Variants in TBC1D12 observed in about 807,000 individuals in gnomAD.
TBC1D12 encodes TBC1 domain family member 12.
A neutral mutation model predicts 86.7 loss-of-function variants in TBC1D12; 56 were observed. That is an observed-to-expected ratio of 0.65 (90% confidence interval 0.52 to 0.81). The LOEUF is 0.81. Among genes scored for constraint, TBC1D12 ranks in the 30% least tolerant of loss-of-function variants. The pLI is 0.00. For synonymous variants in TBC1D12, 421 were observed against 411.7 expected, an observed-to-expected ratio of 1.02 and a Z score of -0.27; for missense variants, 1,023 against 1,038.8, an observed-to-expected ratio of 0.98 and a Z score of 0.21.
chr10:94,454,936 G>C (rs2055604955), intron 2 of TBC1D12, among the ~76,000 whole-genome samples: 1 of 152,124 alleles, frequency 6.6e-6, no homozygotes, highest in Admixed American at 6.5e-5. Context: ...GTGGTGAGCG[G>C]GGATATCCTC....
chr10:94,462,162 T>TTA (rs2134123615), intron 2 of TBC1D12, among the ~76,000 whole-genome samples: 1 of 152,376 alleles, frequency 6.6e-6, no homozygotes, highest in African/African-American at 2.4e-5. Flanking sequence ...CATCATTTAG[T>TTA]AAGTTGAGGA....
intron 1 of TBC1D12, among the ~76,000 whole-genome samples, chr10:94,430,649 A>G (rs1057328639): frequency 6.6e-6 from 1 of 152,336 alleles, no homozygotes; most frequent in African/African-American, 2.4e-5. Flanking sequence ...AAGCACACAG[A>G]TATGTGAAGC....
rs887693226 is a variant in TBC1D12 at position 94,516,046 on chromosome 10, C to T, written c.1761+4392C>T. ...TGACTTGTTTGTTTCTGGAACTTGC[C>T]ATTTAATATTTTCAGACCACTGTTG... On this transcript the variant is annotated intron_variant, in intron 9 of 12. Transcript: ENST00000225235. Among the ~76,000 whole-genome samples, 9 of 148,328 alleles carry T rather than the reference C, an allele frequency of 6.1e-5. No individual in the cohort carries two copies. The South Asian group carries it at 2.1e-3, about 34-fold the overall frequency.
chr10:94,504,276 T>C (rs2056434603), intron 6 of TBC1D12, among the ~76,000 whole-genome samples: 1 of 152,194 alleles, frequency 6.6e-6, no homozygotes, highest in South Asian at 2.1e-4. Context: ...TCTTGATAAC[T>C]TAGACATTAA....
At chr10:94,411,964 AAG>A (rs1017647456) in intron 1 of TBC1D12, among the ~76,000 whole-genome samples, 11 of 152,294 alleles carry the variant, frequency 7.2e-5, no homozygotes, top group African/African-American at 2.4e-4. Flanking sequence ...TCCAAAAAAA[AAG>A]AGAAAATTGC....
chr10:94,469,849 G>A (rs2055878223), intron 2 of TBC1D12, among the ~76,000 whole-genome samples: 1 of 152,120 alleles, frequency 6.6e-6, no homozygotes, highest in Admixed American at 6.5e-5. Context: ...TTCCTTTGGG[G>A]TCCCCCTTCC....
chr10:94,493,642 C>G (rs1465799675), intron 4 of TBC1D12, among the ~76,000 whole-genome samples, 195 bp downstream of exon 4: 1 of 152,146 alleles, frequency 6.6e-6, no homozygotes, highest in Non-Finnish European at 1.5e-5. Flanking sequence ...GCCTGACCTT[C>G]CAGGCTCAAG....
intron 1 of TBC1D12, among the ~76,000 whole-genome samples, chr10:94,424,884 C>T (rs12785155): frequency 0.17 from 26,203 of 152,000 alleles, 2,474 homozygotes; most frequent in Middle Eastern, 0.25. Context: ...CATGTCTGCA[C>T]AATTCACGCA....
intron 9 of TBC1D12, among the ~76,000 whole-genome samples, chr10:94,514,396 G>A (rs778800445): frequency 1.3e-5 from 2 of 152,092 alleles, no homozygotes; most frequent in Non-Finnish European, 2.9e-5. Context: ...TCTAACTGGA[G>A]CTTTTTGTAC....
In TBC1D12 at chr10:94,522,081, A is replaced by C; in HGVS notation, c.1888A>C (p.Met630Leu). 1 of 1,609,172 alleles carries C rather than the reference A, an allele frequency of 6.2e-7. No homozygotes were observed. The highest frequency in any genetic ancestry group is 1.1e-5 in the South Asian group (1 of 90,350). Reference sequence around the variant, plus strand: ...GGCCTTTTTTCGTGTGGATCACAGCATGGTATGAATGGATCATGTTTTCCA... The same window carrying C: ...GGCCTTTTTTCGTGTGGATCACAGCCTGGTATGAATGGATCATGTTTTCCA... ...QLAFFRVDHS[M>L]MLKYFATFEV... The change falls in exon 10 of 13, where the codon ATG (methionine) becomes CTG (leucine). Residue 630 changes from methionine (M) to leucine (L), a missense_variant and splice_region_variant. Coordinates refer to ENST00000225235, the MANE Select transcript of TBC1D12 (RefSeq NM_015188.2).
chr10:94,476,241 G>T (rs972451939), intron 3 of TBC1D12, among the ~76,000 whole-genome samples: 1 of 151,806 alleles, frequency 6.6e-6, no homozygotes, highest in Non-Finnish European at 1.5e-5. Context: ...CCAAATAGAA[G>T]AGCATAGAAT....
chr10:94,426,641 G>T (rs982226042), intron 1 of TBC1D12, among the ~76,000 whole-genome samples: 1 of 152,000 alleles, frequency 6.6e-6, no homozygotes, highest in East Asian at 1.9e-4. Context: ...CAGTGGTAAC[G>T]ATCTCGGCTC....
At chr10:94,488,311 A>T (rs112535200) in intron 3 of TBC1D12, among the ~76,000 whole-genome samples, 2 of 147,620 alleles carry the variant, frequency 1.4e-5, no homozygotes, top group Admixed American at 1.3e-4. Flanking sequence ...TCGCTTCAAC[A>T]TGGGAGGCGG....
intron 9 of TBC1D12, among the ~76,000 whole-genome samples, chr10:94,518,921 A>G (rs1446573559): frequency 6.6e-6 from 1 of 152,148 alleles, no homozygotes; most frequent in African/African-American, 2.4e-5. Flanking sequence ...TTAAAAATAC[A>G]AAAATTAGCC....
At chr10:94,466,294 T>C (rs929533856) in intron 2 of TBC1D12, among the ~76,000 whole-genome samples, 4 of 152,048 alleles carry the variant, frequency 2.6e-5, no homozygotes, top group African/African-American at 4.8e-5. Flanking sequence ...AAAACTGTCT[T>C]TTTTATTTGT....
At chr10:94,525,386 C>T (rs536148940) in intron 11 of TBC1D12, among the ~76,000 whole-genome samples, 1 of 152,108 alleles carries the variant, frequency 6.6e-6, no homozygotes, top group East Asian at 1.9e-4. Flanking sequence ...CCGAGGTGGG[C>T]AAATCACCTG....
Position 94,533,242 on chromosome 10 carries a change from G to T in TBC1D12, c.*146G>T. ...AAAACTGCTGATTTTACATTTTATG[G>T]CTGAAGTAAATGAAATAAGTAACTT... On this transcript the variant is annotated 3_prime_UTR_variant, in exon 13 of 13. Coordinates refer to ENST00000225235, the MANE Select transcript of TBC1D12 (RefSeq NM_015188.2). 1 of 504,230 alleles carries T rather than the reference G, an allele frequency of 2.0e-6. No individual in the cohort carries two copies. Among genetic ancestry groups the T allele is most frequent in the Non-Finnish European group, 3.4e-6 (1 of 290,272 alleles). 31.2% of individuals were successfully genotyped at this position (504,230 alleles called of 1,614,324 possible).
chr10:94,482,344 A>G (rs1023423093), intron 3 of TBC1D12, among the ~76,000 whole-genome samples: 7 of 152,244 alleles, frequency 4.6e-5, no homozygotes, highest in East Asian at 3.9e-4. Context: ...CGCAAAGGAC[A>G]TGATCTTGTT....
chr10:94,525,792 T>C (rs1394291983), intron 11 of TBC1D12, among the ~76,000 whole-genome samples: 4 of 152,140 alleles, frequency 2.6e-5, no homozygotes, highest in African/African-American at 9.7e-5. Flanking sequence ...TTCTTTTCAC[T>C]CTTTTGAAGT....
Sources: gnomAD v4.1 joint callset for allele counts (sites outside exome capture counted in the v4.1 genomes callset) on GRCh38, gnomAD v4.1.1 for gene constraint, MANE v1.5 for transcripts, NCBI Gene and HGNC (gene_info 2026-07-23, HGNC 2026-07-21) for gene names.